PIK3C2G: variants seen among roughly 807,000 people sequenced by gnomAD.
PIK3C2G encodes the protein phosphatidylinositol-4-phosphate 3-kinase catalytic subunit type 2 gamma.
PIK3C2G carries 168 observed loss-of-function variants against 181.1 expected under a neutral mutation model. The ratio of observed to expected loss-of-function variants is 0.93; its 90% CI spans 0.82 to 1.05. The LOEUF (loss-of-function observed/expected upper bound fraction) is 1.05, where lower values mean the gene tolerates loss of function less well. Among genes scored for constraint, PIK3C2G ranks in the 50% least tolerant of loss-of-function variants. The pLI is 0.00. For missense variants in PIK3C2G, 1,869 were observed against 1,732.8 expected, an observed-to-expected ratio of 1.08 and a Z score of -1.40; for synonymous variants, 573 against 592.2, an observed-to-expected ratio of 0.97 and a Z score of 0.47.
At chr12:18,619,849 C>T (rs575797590) in intron 31 of PIK3C2G, among the ~76,000 whole-genome samples, 1 of 151,676 alleles carries the variant, frequency 6.6e-6, no homozygotes, top group South Asian at 2.1e-4. Flanking sequence ...CTCAGCCTCC[C>T]GAGTAGCTGG....
At chr12:18,526,562 A>T (rs1943246260) in intron 24 of PIK3C2G, among the ~76,000 whole-genome samples, 1 of 152,136 alleles carries the variant, frequency 6.6e-6, no homozygotes, top group East Asian at 1.9e-4. Flanking sequence ...GATTTTTCTA[A>T]ATATAAATTT....
the PIK3C2G span, among the ~76,000 whole-genome samples, chr12:18,665,055 C>T: frequency 1.3e-5 from 2 of 149,566 alleles, no homozygotes; most frequent in African/African-American, 4.9e-5. Flanking sequence ...ATACCTAATG[C>T]TAAATGACGA....
At chr12:18,700,538 A>AAAAAAG in the PIK3C2G span, among the ~76,000 whole-genome samples, 46 of 135,972 alleles carry the variant, frequency 3.4e-4, no homozygotes, top group Non-Finnish European at 4.5e-4. Flanking sequence ...AAAAAAAAAT[A>AAAAAAG]GTTGCTCTGC....
rs145040715 is a variant in PIK3C2G, at chr12:18,593,610, T to C, written c.4012-884T>C. Among the ~76,000 whole-genome samples the C allele has an allele frequency of 1.6e-4, 24 of 151,938 alleles. 2 individuals carry two copies. The East Asian group carries it at 4.7e-3, about 30-fold the overall frequency. ...TTATTCTTTGGTGCCCTTTAGATAA[T>C]AATGTAAGATCTCATGGAGAGGACT... On this transcript the variant is annotated intron_variant, in intron 29 of 32. Coordinates refer to ENST00000538779, the MANE Select transcript of PIK3C2G (RefSeq NM_001288772.2).
chr12:18,599,164 C>T (rs1419635432), intron 30 of PIK3C2G, among the ~76,000 whole-genome samples: 6 of 152,140 alleles, frequency 3.9e-5, no homozygotes, highest in Non-Finnish European at 7.4e-5. Flanking sequence ...ACCCAAAGGA[C>T]TATAAATCAT....
chr12:18,702,097 G>A, the PIK3C2G span, among the ~76,000 whole-genome samples: 3 of 151,976 alleles, frequency 2.0e-5, no homozygotes, highest in African/African-American at 7.3e-5. Flanking sequence ...TACTTACCAT[G>A]ATATTGCAAT....
chr12:18,530,032 A>T (rs989184836), intron 24 of PIK3C2G, among the ~76,000 whole-genome samples: 3 of 152,148 alleles, frequency 2.0e-5, no homozygotes, highest in African/African-American at 7.2e-5. Context: ...AGGCACCCTC[A>T]TGGCCCAGCA....
intron 1 of PIK3C2G, among the ~76,000 whole-genome samples, chr12:18,265,248 G>A (rs994747237): frequency 1.4e-4 from 21 of 152,098 alleles, no homozygotes; most frequent in Admixed American, 5.2e-4. Flanking sequence ...TTTCTGATGT[G>A]AGAAAATTAT....
chr12:18,439,604 C>A (rs1946629518), intron 18 of PIK3C2G, among the ~76,000 whole-genome samples: 1 of 151,994 alleles, frequency 6.6e-6, no homozygotes, highest in African/African-American at 2.4e-5. Context: ...GGGGTAATTT[C>A]TTTTAGCACT....
At chr12:18,723,474 C>A in the PIK3C2G span, 2 of 1,612,842 alleles carry the variant, frequency 1.2e-6, no homozygotes, top group Admixed American at 1.7e-5. Flanking sequence ...CTTCTCTGTG[C>A]GTGATAATTC....
At chr12:18,330,452 C>T (rs1002140871) in intron 8 of PIK3C2G, among the ~76,000 whole-genome samples, 4 of 152,086 alleles carry the variant, frequency 2.6e-5, no homozygotes, top group Non-Finnish European at 5.9e-5. Context: ...TCACCAACAC[C>T]TGTTATTGTC....
chr12:18,631,773 A>G (rs552823686), intron 31 of PIK3C2G, among the ~76,000 whole-genome samples: 4 of 152,358 alleles, frequency 2.6e-5, no homozygotes, highest in East Asian at 1.9e-4. Flanking sequence ...GAGTAGCAGT[A>G]CTAACAAAGT....
At chr12:18,310,525 G>T (rs1383021309) in intron 5 of PIK3C2G, among the ~76,000 whole-genome samples, 1 of 151,812 alleles carries the variant, frequency 6.6e-6, no homozygotes, top group Non-Finnish European at 1.5e-5. Flanking sequence ...GCAGTTGTAA[G>T]GTTCTAAGAG....
intron 2 of PIK3C2G, among the ~76,000 whole-genome samples, chr12:18,285,836 C>A (rs1949422384): frequency 6.6e-6 from 1 of 151,710 alleles, no homozygotes; most frequent in South Asian, 2.1e-4. Context: ...AGTCTTAAAT[C>A]TAACAATTTC....
chr12:18,465,393 G>C (rs1466539888), intron 18 of PIK3C2G, among the ~76,000 whole-genome samples: 2 of 151,764 alleles, frequency 1.3e-5, no homozygotes, highest in African/African-American at 4.8e-5. Flanking sequence ...AATATTTATA[G>C]GTTTTGCTTT....
intron 14 of PIK3C2G, among the ~76,000 whole-genome samples, chr12:18,385,041 C>T (rs1369396541): frequency 1.3e-5 from 2 of 152,076 alleles, no homozygotes; most frequent in East Asian, 3.9e-4. Context: ...CCAAGTTCTG[C>T]ATCCAGTGTT....
intron 1 of PIK3C2G, 147 bp from the exon 2 acceptor site, chr12:18,281,857 T>TA: frequency 4.2e-6 from 2 of 475,622 alleles, no homozygotes; most frequent in Non-Finnish European, 3.7e-6. Context: ...TAAGCCCTGA[T>TA]AGAGTTTTAT....
intron 29 of PIK3C2G, among the ~76,000 whole-genome samples, chr12:18,590,117 GT>G (rs35341019): frequency 0.05 from 7,161 of 141,924 alleles, 181 homozygotes; most frequent in Middle Eastern, 0.1. Flanking sequence ...TAAATTCAGA[GT>G]TTTTTTTTTT....
the PIK3C2G span, among the ~76,000 whole-genome samples, chr12:18,665,414 A>G: frequency 6.6e-6 from 1 of 152,202 alleles, no homozygotes; most frequent in Admixed American, 6.5e-5. Context: ...ACAAGAAAAA[A>G]AAATTGAGAA....
Sources: gnomAD v4.1 joint callset for allele counts (sites outside exome capture counted in the v4.1 genomes callset) on GRCh38, gnomAD v4.1.1 for gene constraint, MANE v1.5 for transcripts, NCBI Gene and HGNC (gene_info 2026-07-23, HGNC 2026-07-21) for gene names.